FGF1: variants seen among roughly 807,000 people sequenced by gnomAD.
The protein encoded by FGF1 is fibroblast growth factor 1, also known as beta-endothelial cell growth factor.
Under a neutral mutation model 13.4 loss-of-function variants are expected in FGF1, and 9 were observed. The observed-to-expected ratio is 0.67, with a 90% CI of 0.40 to 1.17. The LOEUF is 1.17. FGF1 is among the 50% of genes most tolerant of loss of function. The pLI is 0.01. For missense variants in FGF1, 156 were observed against 192.7 expected (o/e 0.81, Z 1.13); for synonymous variants, 93 against 79.0 (o/e 1.18, Z -0.94).
intron 1 of FGF1, among the ~76,000 whole-genome samples, chr5:142,672,496 TAC>T (rs2152030738): frequency 6.7e-6 from 1 of 148,940 alleles, no homozygotes; most frequent in African/African-American, 2.5e-5. Flanking sequence ...TCTTTTTCTG[TAC>T]AGTTTTTTTT....
At chr5:142,634,125 G>A (rs923453737) in intron 1 of FGF1, among the ~76,000 whole-genome samples, 12 of 151,220 alleles carry the variant, frequency 7.9e-5, no homozygotes, top group Non-Finnish European at 1.5e-4. Context: ...TCCGGGAGGC[G>A]GAGCTTGCAG....
chr5:142,598,512 T>A (rs1306711115), intron 3 of FGF1, among the ~76,000 whole-genome samples: 1 of 151,914 alleles, frequency 6.6e-6, no homozygotes, highest in South Asian at 2.1e-4. Context: ...AAAAAAAAAA[T>A]TGGAAAATAC....
chr5:142,637,412 T>C (rs1050312806), intron 1 of FGF1, among the ~76,000 whole-genome samples: 2 of 150,578 alleles, frequency 1.3e-5, no homozygotes, highest in Non-Finnish European at 3.0e-5. Flanking sequence ...CTCCGCCTCC[T>C]GGATTCACAC....
At chr5:142,602,120 A>G (rs1756688280) in intron 2 of FGF1, among the ~76,000 whole-genome samples, 1 of 151,654 alleles carries the variant, frequency 6.6e-6, no homozygotes, top group South Asian at 2.1e-4. Context: ...GCTGGAACAC[A>G]CAGAGCTTTG....
rs114589637 is a variant in FGF1, at chr5:142,664,375, C to T, written c.-35+21582G>A. 4.5e-3 allele frequency among the ~76,000 whole-genome samples: 681 copies of T among 152,280 alleles called. 6 individuals are homozygous for T. The highest frequency in any genetic ancestry group is 0.015 in the African/African-American group (633 of 41,556). On this transcript the variant is annotated intron_variant, in intron 1 of 3. Transcript: ENST00000337706. ...AGCGCCGTGTCACTGGCTATGGGCA[C>T]GGACGCCACTGCTCTAAGCCCTGTA...
At chr5:142,658,475 G>C (rs1158249155) in intron 1 of FGF1, among the ~76,000 whole-genome samples, 2 of 152,096 alleles carry the variant, frequency 1.3e-5, no homozygotes, top group Non-Finnish European at 2.9e-5. Flanking sequence ...TGACTATCTG[G>C]TTGCAACTTT....
At chr5:142,643,562 A>C (rs2151955209) in intron 1 of FGF1, among the ~76,000 whole-genome samples, 1 of 152,344 alleles carries the variant, frequency 6.6e-6, no homozygotes, top group South Asian at 2.1e-4. Flanking sequence ...CCTCTAGGAA[A>C]ATAGGGCTTT....
At chr5:142,601,793 C>T (rs1756626691) in intron 2 of FGF1, among the ~76,000 whole-genome samples, 1 of 152,168 alleles carries the variant, frequency 6.6e-6, no homozygotes, top group Non-Finnish European at 1.5e-5. Context: ...GTCACACTCT[C>T]CTCATTCACA....
At chr5:142,597,471 G>A (rs1246750416) in intron 3 of FGF1, among the ~76,000 whole-genome samples, 1 of 152,108 alleles carries the variant, frequency 6.6e-6, no homozygotes, top group East Asian at 1.9e-4. Flanking sequence ...GCAGTTACTT[G>A]AAAAAAATCC....
chr5:142,599,744 G>T (rs1158691667), intron 3 of FGF1, among the ~76,000 whole-genome samples: 1 of 152,080 alleles, frequency 6.6e-6, no homozygotes, highest in African/African-American at 2.4e-5. Flanking sequence ...ATCTATACAT[G>T]GTCAAACCTG....
chr5:142,594,955 T>G lies in FGF1; in HGVS notation c.*335A>C, dbSNP rs1754942717. The G allele has an allele frequency of 5.9e-5, 13 of 221,796 alleles. No homozygotes were observed. The South Asian group carries it at 1.5e-3, about 26-fold the overall frequency. The allele number at this position is 221,796 out of a possible 1,614,324, so 13.7% of individuals were successfully genotyped here. ...GAGGGAAATAGTGTGCAGTTACTAATGTCCCACTTAGCCGACCCCTTAACA... is the reference window on the plus strand; with the variant it reads ...GAGGGAAATAGTGTGCAGTTACTAAGGTCCCACTTAGCCGACCCCTTAACA... On this transcript the variant is annotated 3_prime_UTR_variant, in exon 4 of 4. Transcript: ENST00000337706.
rs902525157 is a variant in FGF1 at position 142,628,504 on chromosome 5, C to A, written c.-34-14343G>T. ...CAGCCTGGGTGAAAGAGCAAGACTCCGTCTCAAAATCATGAGGCTAGAGAT... is the reference window on the plus strand; with the variant it reads ...CAGCCTGGGTGAAAGAGCAAGACTCAGTCTCAAAATCATGAGGCTAGAGAT... On this transcript the variant is annotated intron_variant, in intron 1 of 3. Transcript: ENST00000337706. Among the ~76,000 whole-genome samples, 12 of 152,292 alleles carry A rather than the reference C, an allele frequency of 7.9e-5. No homozygotes were observed. The South Asian group carries it at 2.5e-3, about 32-fold the overall frequency.
chr5:142,660,127 T>C (rs1225999099), intron 1 of FGF1, among the ~76,000 whole-genome samples: 1 of 152,246 alleles, frequency 6.6e-6, no homozygotes, highest in Non-Finnish European at 1.5e-5. Context: ...TCTGGGCTTC[T>C]TCCCGAGGCC....
chr5:142,677,903 G>T (rs1343417976), intron 1 of FGF1, among the ~76,000 whole-genome samples: 1 of 152,022 alleles, frequency 6.6e-6, no homozygotes. Context: ...TGAGGTAAGC[G>T]GCATGAAGGA....
At chr5:142,620,799 C>T (rs1561579767) in intron 1 of FGF1, among the ~76,000 whole-genome samples, 1 of 152,142 alleles carries the variant, frequency 6.6e-6, no homozygotes, top group Admixed American at 6.5e-5. Flanking sequence ...TCATTCTTAT[C>T]AAAGATACAT....
upstream of FGF1, among the ~76,000 whole-genome samples, chr5:142,688,547 G>C (rs1357735939): frequency 6.6e-6 from 1 of 152,218 alleles, no homozygotes; most frequent in East Asian, 1.9e-4. Context: ...CAATATGCTA[G>C]ATCGTATGCA....
At chr5:142,618,882 A>G (rs1381256224) in intron 1 of FGF1, among the ~76,000 whole-genome samples, 2 of 151,616 alleles carry the variant, frequency 1.3e-5, no homozygotes, top group African/African-American at 4.9e-5. Flanking sequence ...GTGATGTGTT[A>G]AGAATCAAAG....
intron 1 of FGF1, among the ~76,000 whole-genome samples, chr5:142,649,499 C>T (rs529073446): frequency 2.0e-5 from 3 of 152,054 alleles, no homozygotes; most frequent in Non-Finnish European, 4.4e-5. Context: ...CTCTGCCTCC[C>T]GGGTTCACGC....
chr5:142,697,468 C>T (rs1243085684), intron 2 of FGF1, among the ~76,000 whole-genome samples: 4 of 152,176 alleles, frequency 2.6e-5, no homozygotes, highest in South Asian at 2.1e-4. Context: ...TTCACTCTAG[C>T]ATTCATCACA....
Sources: allele counts gnomAD v4.1 joint callset (sites outside exome capture counted in the v4.1 genomes callset), GRCh38; gene constraint gnomAD v4.1.1; transcripts MANE v1.5; gene names NCBI Gene and HGNC (gene_info 2026-07-23, HGNC 2026-07-21).